SHANK2: variants seen among roughly 807,000 people sequenced by gnomAD.
The protein encoded by SHANK2 is SH3 and multiple ankyrin repeat domains 2, also known as SH3 and multiple ankyrin repeat domains protein 2.
SHANK2 carries 43 observed loss-of-function variants against 133.7 expected under a neutral mutation model. That is an observed-to-expected ratio of 0.32 (90% CI 0.25 to 0.41). The LOEUF is 0.41. Among genes scored for constraint, SHANK2 ranks in the 10% least tolerant of loss-of-function variants. SHANK2 has a pLI of 1.00. For synonymous variants in SHANK2, 1,017 were observed against 952.8 expected, an observed-to-expected ratio of 1.07 and a Z score of -1.24; for missense variants, 1,994 against 2,235.8, an observed-to-expected ratio of 0.89 and a Z score of 2.18.
rs1226090855 is a variant in SHANK2, at chr11:70,847,967, G to A, written c.1175-27285C>T. Reference sequence around the variant, plus strand: ...GGAGCCCAGGGCTGCTGAGGTGACCGTGGCTGGAGGGGACCAGCCAGCTGG... The same window carrying A: ...GGAGCCCAGGGCTGCTGAGGTGACCATGGCTGGAGGGGACCAGCCAGCTGG... On this transcript the variant is annotated intron_variant, in intron 11 of 25. Coordinates refer to ENST00000601538, the MANE Select transcript of SHANK2 (RefSeq NM_012309.5). 4.6e-5 allele frequency among the ~76,000 whole-genome samples: 7 copies of A among 152,224 alleles called. 1 individual carries two copies. The highest frequency in any genetic ancestry group is 3.9e-4 in the Admixed American group (6 of 15,282).
In SHANK2 at chr11:71,175,331, C is replaced by G. The variant is rs1004128491; in HGVS notation, c.-12-27993G>C. ...CCAGGAAATGCAAAGCTGATGAAAC[C>G]TGAGCCACAGAGGTGGTGTCAGTGA... On this transcript the variant is annotated intron_variant, in intron 2 of 25. Coordinates refer to ENST00000601538, the MANE Select transcript of SHANK2 (RefSeq NM_012309.5). This position sits in a 1 kb window ranked among gnomAD's most constrained non-coding sequence, Gnocchi z 4.2. Among the ~76,000 whole-genome samples, 1 of 152,164 alleles carries G rather than the reference C, an allele frequency of 6.6e-6. No individual in the cohort carries two copies. Among genetic ancestry groups the G allele is most frequent in the Non-Finnish European group, 1.5e-5 (1 of 68,026 alleles).
intron 10 of SHANK2, among the ~76,000 whole-genome samples, chr11:70,946,222 C>T (rs1950729837): frequency 1.4e-5 from 2 of 147,460 alleles, no homozygotes; most frequent in Admixed American, 1.4e-4. Context: ...CAACTCTTCC[C>T]CAAGCTCAAC....
chr11:71,092,288 G>A (rs1951531252), intron 8 of SHANK2, 134 bp downstream of exon 8: 1 of 834,306 alleles, frequency 1.2e-6, no homozygotes, highest in African/African-American at 1.7e-5. Context: ...ATATTTTCAG[G>A]AACTCTGGGC....
intron 2 of SHANK2, among the ~76,000 whole-genome samples, chr11:71,169,134 C>T (rs1300241468): frequency 6.6e-6 from 1 of 152,160 alleles, no homozygotes; most frequent in Non-Finnish European, 1.5e-5. Flanking sequence ...AACACAGACG[C>T]AAGGCAAAGG....
At chr11:70,654,028 C>T (rs540499367) in intron 17 of SHANK2, 3 of 152,356 alleles carry the variant, frequency 2.0e-5, no homozygotes, top group Admixed American at 6.5e-5. Context: ...AGAAGATCCA[C>T]GCCCTCTCTC....
At chr11:70,563,166 G>C (rs1203664485) in intron 17 of SHANK2, among the ~76,000 whole-genome samples, 5 of 152,190 alleles carry the variant, frequency 3.3e-5, no homozygotes, top group Non-Finnish European at 7.3e-5. Context: ...ACTGTGCCTG[G>C]CCGGGTTGAT....
At chr11:70,704,635 A>G (rs1945618376) in intron 14 of SHANK2, among the ~76,000 whole-genome samples, 1 of 152,178 alleles carries the variant, frequency 6.6e-6, no homozygotes, top group Admixed American at 6.5e-5. Flanking sequence ...ATGCGATGGA[A>G]GGACACGGGC....
intron 11 of SHANK2, among the ~76,000 whole-genome samples, chr11:70,893,900 C>T (rs1949891823): frequency 1.3e-5 from 2 of 152,302 alleles, no homozygotes; most frequent in South Asian, 4.1e-4. Flanking sequence ...ATGTTAGTCA[C>T]GTGAGCCTGT....
In SHANK2 at chr11:71,152,508, C is replaced by A. The variant is rs1293103186; in HGVS notation, c.-12-5170G>T. On this transcript the variant is annotated intron_variant, in intron 2 of 25. Transcript: ENST00000601538. ...CAGGAACAAAACCAACAGCCCACAG[C>A]AGGAAGGGCGGCAAGGAGGGGCTCC... Among the ~76,000 whole-genome samples, 9 of 152,246 alleles carry A rather than the reference C, an allele frequency of 5.9e-5. No individual in the cohort carries two copies. In the East Asian group the frequency reaches 1.7e-3, roughly 29 times the overall value.
chr11:70,837,662 G>A (rs1948840063), intron 11 of SHANK2, among the ~76,000 whole-genome samples: 1 of 152,088 alleles, frequency 6.6e-6, no homozygotes, highest in Non-Finnish European at 1.5e-5. Context: ...CACCAGCACA[G>A]AGCCCAGCCC....
chr11:71,192,484 A>G (rs1953812854), intron 2 of SHANK2, among the ~76,000 whole-genome samples: 1 of 152,120 alleles, frequency 6.6e-6, no homozygotes, highest in African/African-American at 2.4e-5. Flanking sequence ...ACTGCCTGGA[A>G]CCCTGTTTCC....
chr11:70,556,558 G>A (rs2059833101), intron 17 of SHANK2, among the ~76,000 whole-genome samples: 1 of 151,292 alleles, frequency 6.6e-6, no homozygotes, highest in Non-Finnish European at 1.5e-5. Context: ...TGGGACTACA[G>A]GGACCCACCG....
intron 17 of SHANK2, among the ~76,000 whole-genome samples, chr11:70,511,880 T>C (rs1477954182): frequency 6.6e-6 from 1 of 152,240 alleles, no homozygotes; most frequent in Non-Finnish European, 1.5e-5. Flanking sequence ...TTATTTAAAA[T>C]ATCAAAAGTT....
chr11:70,477,371 T>G (rs2058677085), intron 25 of SHANK2: 1 of 152,186 alleles, frequency 6.6e-6, no homozygotes, highest in Admixed American at 6.5e-5. Context: ...TGCCCAGAGC[T>G]GAAACATCAA....
intron 3 of SHANK2, among the ~76,000 whole-genome samples, chr11:71,130,889 A>T (rs1177987916): frequency 3.9e-5 from 6 of 152,248 alleles, no homozygotes; most frequent in African/African-American, 1.4e-4. Flanking sequence ...GCGTTCAGCA[A>T]GAACTTAGGA....
chr11:70,702,430 T>TCAC (rs201745626), intron 14 of SHANK2, among the ~76,000 whole-genome samples: 2 of 151,418 alleles, frequency 1.3e-5, no homozygotes, highest in Non-Finnish European at 2.9e-5. Flanking sequence ...ATCACCACCA[T>TCAC]CACCACCAAC....
At position 70,859,349 on chromosome 11, in the gene SHANK2, A is replaced by G. The variant is rs564728502; in HGVS notation, c.1174+37152T>C. On this transcript the variant is annotated intron_variant, in intron 11 of 25. Coordinates refer to ENST00000601538, the MANE Select transcript of SHANK2 (RefSeq NM_012309.5). ...GAATGGACTGATGAATGGATGGATG[A>G]ATGGAGAAGTTGGTAGGCAAGCGAG... Among the ~76,000 whole-genome samples the G allele has an allele frequency of 2.6e-5, 4 of 152,080 alleles. No homozygotes were observed. The South Asian group carries it at 6.2e-4, about 24-fold the overall frequency.
At chr11:70,776,772 A>T (rs909530552) in intron 14 of SHANK2, among the ~76,000 whole-genome samples, 1 of 150,990 alleles carries the variant, frequency 6.6e-6, no homozygotes, top group African/African-American at 2.4e-5. Context: ...TCACCCACTC[A>T]GCCACCCATC....
At position 70,535,405 on chromosome 11, in the gene SHANK2, T is replaced by A. The variant is rs1278052754; in HGVS notation, c.2062-32474A>T. 2.0e-5 allele frequency among the ~76,000 whole-genome samples: 3 copies of A among 151,778 alleles called. No individual in the cohort carries two copies. Among genetic ancestry groups the A allele is most frequent in the Non-Finnish European group, 4.4e-5 (3 of 67,936 alleles). On this transcript the variant is annotated intron_variant, in intron 17 of 25. Coordinates refer to ENST00000601538, the MANE Select transcript of SHANK2 (RefSeq NM_012309.5). This position sits in a 1 kb window ranked among gnomAD's most constrained non-coding sequence, Gnocchi z 4.3. Reference sequence around the variant, plus strand: ...CCATCAGTCTAACCAGTCCATCCATTTATCCATCATCCATCCATCCATCCA... The same window carrying A: ...CCATCAGTCTAACCAGTCCATCCATATATCCATCATCCATCCATCCATCCA...
Sources: allele counts gnomAD v4.1 joint callset (sites outside exome capture counted in the v4.1 genomes callset), GRCh38; gene constraint gnomAD v4.1.1; non-coding constraint Gnocchi (gnomAD v3.1); transcripts MANE v1.5; gene names NCBI Gene and HGNC (gene_info 2026-07-23, HGNC 2026-07-21).